The following SIAE variants were observed in gnomAD, a reference collection of about 807,000 sequenced individuals.
SIAE encodes the protein sialic acid acetylesterase, also known as sialate O-acetylesterase.
A neutral mutation model predicts 52.6 loss-of-function variants in SIAE; 39 were observed. The observed-to-expected ratio is 0.74, with a 90% CI of 0.57 to 0.97. The LOEUF is 0.97. Among genes scored for constraint, SIAE ranks in the 50% least tolerant of loss-of-function variants. The pLI is 0.00. For synonymous variants in SIAE, 233 were observed against 241.4 expected (o/e 0.97, Z 0.32); for missense variants, 592 against 662.1 (o/e 0.89, Z 1.16).
chr11:124,639,117 G>C (rs1309739654), intron 8 of SIAE, among the ~76,000 whole-genome samples: 1 of 152,160 alleles, frequency 6.6e-6, no homozygotes, highest in Non-Finnish European at 1.5e-5. Flanking sequence ...TGGTCCCCTA[G>C]AGCTTTTATT....
At chr11:124,661,677 A>C (rs576000703) in intron 2 of SIAE, among the ~76,000 whole-genome samples, 1 of 152,366 alleles carries the variant, frequency 6.6e-6, no homozygotes, top group African/African-American at 2.4e-5. Context: ...CAACATGAAC[A>C]AAGTTGATAA....
chr11:124,650,231 A>G (rs749616259), intron 4 of SIAE, among the ~76,000 whole-genome samples: 2 of 152,196 alleles, frequency 1.3e-5, no homozygotes, highest in Non-Finnish European at 2.9e-5. Context: ...CTGGCTAGGC[A>G]ATAGGCTTCC....
chr11:124,649,583 G>C, intron 5 of SIAE, 36 bp downstream of exon 5: 1 of 1,610,598 alleles, frequency 6.2e-7, no homozygotes, highest in Non-Finnish European at 8.5e-7. Flanking sequence ...TAATTCCCTG[G>C]TAGGCTCTTT....
In SIAE at chr11:124,636,993, A is replaced by T. The variant is rs1356903730; in HGVS notation, c.1530T>A (p.Ile510=). 1.2e-6 allele frequency: 2 copies of T among 1,614,078 alleles called. No individual in the cohort carries two copies. The highest frequency in any genetic ancestry group is 1.3e-5 in the African/African-American group (1 of 74,920). ...TCTGATGTCCAGGACCCTGGTCTGT[A>T]ATGAAAGCAATGAAGGGAGGGGCTG... ...ALPAPPFIAF[I]TDQGPGHQSN... is the part of the protein sequence containing the mutation. Residue 510 remains isoleucine, a synonymous_variant, in exon 10 of 10, where the codon ATT becomes ATA. Coordinates refer to ENST00000263593, the MANE Select transcript of SIAE (RefSeq NM_170601.5).
chr11:124,638,583 G>A lies in SIAE; in HGVS notation c.1279C>T (p.Gln427Ter), dbSNP rs748108384. ...HKGLLNLTYY[Q>*]QIQVQKKDNK... ...TCCTTTTTCTGCACCTGGATTTGCT[G>A]GTAATATGTGAGATTGAGCAGCCCC... is the stretch of plus-strand genomic sequence containing the variant. Residue 427 changes from glutamine (Q) to a stop codon, truncating the protein, a stop_gained, in exon 9 of 10, where the codon CAG (glutamine) becomes TAG (stop). Transcript: ENST00000263593. LOFTEE classifies it low-confidence loss of function (END_TRUNC). The A allele has an allele frequency of 3.1e-6, 5 of 1,614,000 alleles. No homozygotes were observed. The Admixed American group carries it at 5.0e-5, about 16-fold the overall frequency.
chr11:124,675,500 A>AT, upstream of SIAE: 2 of 1,478,274 alleles, frequency 1.4e-6, no homozygotes, highest in South Asian at 1.3e-5. Context: ...GACCATCTCC[A>AT]TTCTGCAGAA....
At chr11:124,639,962 T>C in intron 7 of SIAE, 95 bp from the exon 8 acceptor site, 1 of 1,402,808 alleles carries the variant, frequency 7.1e-7, no homozygotes, top group Non-Finnish European at 1.0e-6. Context: ...TCTCATTGCA[T>C]TTAAATGCTC....
At position 124,660,665 on chromosome 11, in the gene SIAE, C is replaced by A; in HGVS notation, c.368G>T (p.Cys123Phe). ...CATCTGCATGTTACTCTGCCCACTA[C>A]AGAGCCAGACATCTCCAAACAGGAC... is the stretch of plus-strand genomic sequence containing the variant. ...HDVLFGDVWLCSGQSNMQMTV... is the reference protein window; with the variant it reads ...HDVLFGDVWLFSGQSNMQMTV... Residue 123 changes from cysteine (C) to phenylalanine (F), a missense_variant, in exon 3 of 10, where the codon TGT (cysteine) becomes TTT (phenylalanine). Transcript: ENST00000263593. The A allele has an allele frequency of 6.2e-7, 1 of 1,614,186 alleles. No individual in the cohort carries two copies. Among genetic ancestry groups the A allele is most frequent in the Non-Finnish European group, 8.5e-7 (1 of 1,180,036 alleles).
intron 8 of SIAE, 87 bp from the exon 9 acceptor site, chr11:124,638,824 C>G (rs1161472093): frequency 1.9e-6 from 2 of 1,056,778 alleles, no homozygotes; most frequent in African/African-American, 3.2e-5. Flanking sequence ...ACAAAGCACC[C>G]TTTATGAAAG....
intron 4 of SIAE, among the ~76,000 whole-genome samples, chr11:124,652,837 C>A (rs1227881906): frequency 6.6e-6 from 1 of 152,262 alleles, no homozygotes; most frequent in East Asian, 1.9e-4. Context: ...CTTTCCCCAT[C>A]CCAGCACGAA....
chr11:124,658,991 T>C (rs1292545978), intron 3 of SIAE: 1 of 152,248 alleles, frequency 6.6e-6, no homozygotes, highest in African/African-American at 2.4e-5. Flanking sequence ...AAGTGCATGA[T>C]TTAAACAAAA....
rs769535563 is a variant in SIAE at position 124,647,366 on chromosome 11, T to A, written c.965A>T (p.Gln322Leu). 1 of 1,614,218 alleles carries A rather than the reference T, an allele frequency of 6.2e-7. No homozygotes were observed. The highest frequency in any genetic ancestry group is 1.3e-5 in the African/African-American group (1 of 75,054). The part of the protein sequence containing the change: ...TERFFPFGLV[Q>L]LSSDLSKKSS... ...GAGAAGCCTTTACCCACATCGTACCTGGACAAGTCCAAATGGGAAGAAACG... is the reference window on the plus strand; with the variant it reads ...GAGAAGCCTTTACCCACATCGTACCAGGACAAGTCCAAATGGGAAGAAACG... The change falls in exon 7 of 10, where the codon CAG becomes CTG. Residue 322 changes from glutamine (Q) to leucine (L), a missense_variant and splice_region_variant. By Grantham distance (113) the Gln-to-Leu change is moderately radical. Transcript: ENST00000263593.
At position 124,648,157 on chromosome 11, in the gene SIAE, A is replaced by G; in HGVS notation, c.741T>C (p.Ser247=). 1 of 1,613,940 alleles carries G rather than the reference A, an allele frequency of 6.2e-7. No homozygotes were observed. The highest frequency in any genetic ancestry group is 8.5e-7 in the Non-Finnish European group (1 of 1,179,866). The part of the protein sequence containing the change: ...VPKQGSIPYD[S]VTGPSKHSVL... ...CAGAGTGCTTACTGGGACCAGTTAC[A>G]GAATCGTATGGAATGGACCTGAAAT... Residue 247 remains serine, a synonymous_variant, in exon 6 of 10, where the codon TCT becomes TCC. Transcript: ENST00000263593.
rs542960746 is a variant in SIAE at position 124,640,237 on chromosome 11, G to A, written c.967-370C>T. ...TTCATTCTCTTGAAACCCTGAGCTG[G>A]TCATGTAAACACCATCCAGTTACCC... On this transcript the variant is annotated intron_variant, in intron 7 of 9. Coordinates refer to ENST00000263593, the MANE Select transcript of SIAE (RefSeq NM_170601.5). 5.9e-5 allele frequency among the ~76,000 whole-genome samples: 9 copies of A among 152,324 alleles called. No individual in the cohort carries two copies. The South Asian group carries it at 1.9e-3, about 32-fold the overall frequency.
rs901413096 is a variant in SIAE at position 124,649,690 on chromosome 11, G to C, written c.651C>G (p.Ser217Arg). Residue 217 changes from serine (S) to arginine (R), a missense_variant, in exon 5 of 10, where the codon AGC (serine) becomes AGG (arginine). Coordinates refer to ENST00000263593, the MANE Select transcript of SIAE (RefSeq NM_170601.5). ...AGGCTTCAATGGGTGTCCCGCCCCA[G>C]CTGGAGGCGATCAGCCCGATGGGAT... ...LQYPIGLIAS[S>R]WGGTPIEAWS... 6.2e-7 allele frequency: 1 copy of C among 1,614,160 alleles called. No homozygotes were observed. Among genetic ancestry groups the C allele is most frequent in the Non-Finnish European group, 8.5e-7 (1 of 1,180,034 alleles).
rs761424795 is a variant in SIAE at position 124,636,940 on chromosome 11, T to C, written c.*11A>G. On this transcript the variant is annotated 3_prime_UTR_variant, in exon 10 of 10. Coordinates refer to ENST00000263593, the MANE Select transcript of SIAE (RefSeq NM_170601.5). ...CATCCTTATATCTAAGTTCTGATCA[T>C]ACTGAAACAGTCATTTAGCAACATT... 4 of 1,614,100 alleles carry C rather than the reference T, an allele frequency of 2.5e-6. No individual in the cohort carries two copies.
chr11:124,654,747 G>T lies in SIAE; in HGVS notation c.452C>A (p.Ser151Tyr), dbSNP rs1282664305. 2.5e-6 allele frequency: 4 copies of T among 1,614,018 alleles called. No individual in the cohort carries two copies. The African/African-American group carries it at 5.3e-5, about 22-fold the overall frequency. The part of the protein sequence containing the change: ...RELSNTAAYQ[S>Y]VRILSVSPIQ... Reference sequence around the variant, plus strand: ...GGGAGAGACAGAGAGGATGCGGACAGACTGATATGCCGCAGTGTTAGACAA... The same window carrying T: ...GGGAGAGACAGAGAGGATGCGGACATACTGATATGCCGCAGTGTTAGACAA... Residue 151 changes from serine (S) to tyrosine (Y), a missense_variant, in exon 4 of 10, where the codon TCT becomes TAT. Coordinates refer to ENST00000263593, the MANE Select transcript of SIAE (RefSeq NM_170601.5).
rs1169733623 is a variant in SIAE at position 124,634,069 on chromosome 11, G to A, written c.*2882C>T. ...GGATTTAAGAAACTTGAAAAGCTGGGCACGGTGGCTCACGCCTGTAATCCC... is the reference window on the plus strand; with the variant it reads ...GGATTTAAGAAACTTGAAAAGCTGGACACGGTGGCTCACGCCTGTAATCCC... On this transcript the variant is annotated 3_prime_UTR_variant, in exon 10 of 10. Transcript: ENST00000263593. 1 of 152,262 alleles carries A rather than the reference G, an allele frequency of 6.6e-6. No homozygotes were observed. The highest frequency in any genetic ancestry group is 2.4e-5 in the African/African-American group (1 of 41,458). The allele number at this position is 152,262 out of a possible 1,614,324, so 9.4% of individuals were successfully genotyped here.
intron 2 of SIAE, among the ~76,000 whole-genome samples, chr11:124,662,506 T>C (rs1043556739): frequency 2.0e-5 from 3 of 152,216 alleles, no homozygotes. Flanking sequence ...TTCACTGCTA[T>C]TAACTGGGTA....
Sources: gnomAD v4.1 joint callset for allele counts (sites outside exome capture counted in the v4.1 genomes callset) on GRCh38, gnomAD v4.1.1 for gene constraint, MANE v1.5 for transcripts, NCBI Gene and HGNC (gene_info 2026-07-23, HGNC 2026-07-21) for gene names.